Variants in ABCG2 observed in about 807,000 individuals in gnomAD.
ABCG2 encodes ATP binding cassette subfamily G member 2 (JR blood group), also known as broad substrate specificity ATP-binding cassette transporter ABCG2.
In ABCG2, 80 loss-of-function variants were observed where a neutral mutation model predicts 73.5. The ratio of observed to expected loss-of-function variants is 1.09; its 90% CI spans 0.91 to 1.31. The LOEUF (loss-of-function observed/expected upper bound fraction) is 1.31. Ranked by LOEUF, ABCG2 falls within the 50% of genes most tolerant of loss-of-function variation. The probability of loss-of-function intolerance (pLI) is 0.00; values close to 1 mark genes in which losing one functional copy is unlikely to be tolerated. For synonymous variants in ABCG2, 269 were observed against 282.4 expected (o/e 0.95, Z 0.48); for missense variants, 796 against 786.2 (o/e 1.01, Z -0.15).
At chr4:88,153,106 G>A (rs1043497205) in intron 1 of ABCG2, among the ~76,000 whole-genome samples, 10 of 152,178 alleles carry the variant, frequency 6.6e-5, no homozygotes, top group African/African-American at 2.2e-4. Flanking sequence ...GTTCAGCATA[G>A]CCCTGCCAGC....
upstream of ABCG2, chr4:88,159,269 G>A (rs1727177356): frequency 2.2e-6 from 1 of 454,808 alleles, no homozygotes; most frequent in African/African-American, 2.0e-5. Context: ...CGGGGACGCT[G>A]ACGCACAGGT....
In ABCG2 at chr4:88,111,523, T is replaced by C. The variant is rs1438328600; in HGVS notation, c.1194+1780A>G. ...ATACATATATGTGGCTATACATATA[T>C]ACATATATATACATAATTAGCAGTA... On this transcript the variant is annotated intron_variant, in intron 9 of 15. Transcript: ENST00000237612. Among the ~76,000 whole-genome samples, 3 of 151,964 alleles carry C rather than the reference T, an allele frequency of 2.0e-5. No individual in the cohort carries two copies. In the East Asian group the frequency reaches 5.9e-4, roughly 30 times the overall value.
chr4:88,147,016 G>GGAAA (rs58050208), intron 1 of ABCG2, among the ~76,000 whole-genome samples: 9,476 of 125,188 alleles, frequency 0.076, 435 homozygotes, highest in East Asian at 0.12. Context: ...AGAAAGAAAA[G>GGAAA]GAAAGAAAGA....
upstream of ABCG2, among the ~76,000 whole-genome samples, chr4:88,160,513 A>C (rs1404240460): frequency 6.6e-6 from 1 of 152,090 alleles, no homozygotes; most frequent in Non-Finnish European, 1.5e-5. Flanking sequence ...ACTTAGTTGA[A>C]TATAGCATTC....
Position 88,092,155 on chromosome 4 carries a change from CA to C in ABCG2, c.*78del. 5 of 1,368,172 alleles carry C rather than the reference CA, an allele frequency of 3.7e-6. No individual in the cohort carries two copies. Among genetic ancestry groups the C allele is most frequent in the Non-Finnish European group, 5.0e-6 (5 of 1,005,990 alleles). The allele number at this position is 1,368,172 out of a possible 1,614,324, so 84.8% of individuals were successfully genotyped here. ...GTGATGGCAAGGGAACAGAAAACAA[CA>C]AAAAAACTTGATTGAATACTTCAAT... On this transcript the variant is annotated 3_prime_UTR_variant, in exon 16 of 16. Transcript: ENST00000237612.
At position 88,092,162 on chromosome 4, in the gene ABCG2, A is replaced by C. The variant is rs566792922; in HGVS notation, c.*72T>G. On this transcript the variant is annotated 3_prime_UTR_variant, in exon 16 of 16. Transcript: ENST00000237612. ...CAAGGGAACAGAAAACAACAAAAAA[A>C]CTTGATTGAATACTTCAATCAAAGT... is the stretch of plus-strand genomic sequence containing the variant. 2.1e-6 allele frequency: 3 copies of C among 1,398,340 alleles called. No homozygotes were observed. Among genetic ancestry groups the C allele is most frequent in the Non-Finnish European group, 2.9e-6 (3 of 1,028,116 alleles). 86.6% of individuals were successfully genotyped at this position (1,398,340 alleles called of 1,614,324 possible). A position where few individuals can be genotyped will look rare whatever the true frequency, so the allele number is the denominator to read the frequency against.
chr4:88,146,558 C>T (rs1001232462), intron 1 of ABCG2, among the ~76,000 whole-genome samples: 3 of 151,924 alleles, frequency 2.0e-5, no homozygotes, highest in Non-Finnish European at 2.9e-5. Context: ...CCACACTTGG[C>T]GATTTTTGTA....
At chr4:88,109,147 C>A (rs989397827) in intron 9 of ABCG2, among the ~76,000 whole-genome samples, 1 of 151,928 alleles carries the variant, frequency 6.6e-6, no homozygotes, top group African/African-American at 2.4e-5. Context: ...TACATGCGCC[C>A]ACCACCAAGC....
chr4:88,153,240 G>A (rs1384764573), intron 1 of ABCG2, among the ~76,000 whole-genome samples: 6 of 151,772 alleles, frequency 4.0e-5, no homozygotes, highest in Non-Finnish European at 8.8e-5. Context: ...GGGCATGTAT[G>A]AGTAGTTGAG....
In ABCG2 at chr4:88,166,099, T is replaced by G. The variant is rs530360547; in HGVS notation, c.-19-26085A>C. ...CACTGAGTTGGTATGAAGAGTATTT[T>G]AAACTGAAACATTTAAGACACAGCA... On this transcript the variant is annotated intron_variant, in intron 1 of 15. Transcript: ENST00000515655. 3.3e-5 allele frequency among the ~76,000 whole-genome samples: 5 copies of G among 152,236 alleles called. No individual in the cohort carries two copies. In the South Asian group the frequency reaches 1.0e-3, roughly 32 times the overall value.
In ABCG2 at chr4:88,095,581, G is replaced by T; in HGVS notation, c.1676C>A (p.Thr559Lys). 5 of 1,613,788 alleles carry T rather than the reference G, an allele frequency of 3.1e-6. No homozygotes were observed. The highest frequency in any genetic ancestry group is 4.2e-6 in the Non-Finnish European group (5 of 1,179,714). ...CCATGACAGCCAAGATGCAATGGTT[G>T]TGAGATTGACCAACAGACCTGAAAA... ...MIFSGLLVNL[T>K]TIASWLSWLQ... Residue 559 changes from threonine (T) to lysine (K), a missense_variant, in exon 14 of 16, where the codon ACA becomes AAA. By Grantham distance (78) the Thr-to-Lys change is moderately conservative. Coordinates refer to ENST00000237612, the MANE Select transcript of ABCG2 (RefSeq NM_004827.3).
chr4:88,213,170 T>A (rs1308469559), intron 1 of ABCG2, among the ~76,000 whole-genome samples: 1 of 152,206 alleles, frequency 6.6e-6, no homozygotes, highest in Non-Finnish European at 1.5e-5. Flanking sequence ...TTTCAAACTG[T>A]TGGGATTACT....
chr4:88,200,748 G>C (rs999833812), intron 1 of ABCG2, among the ~76,000 whole-genome samples: 1 of 152,004 alleles, frequency 6.6e-6, no homozygotes, highest in Non-Finnish European at 1.5e-5. Flanking sequence ...TCCTGACCTG[G>C]TGATCCACCT....
chr4:88,152,096 C>T (rs1172530432), intron 1 of ABCG2, among the ~76,000 whole-genome samples: 2 of 152,096 alleles, frequency 1.3e-5, no homozygotes, highest in East Asian at 3.9e-4. Flanking sequence ...GTTTAAGCTA[C>T]TCAGCTAATA....
intron 9 of ABCG2, among the ~76,000 whole-genome samples, chr4:88,109,143 C>T (rs111360885): frequency 1.8e-4 from 28 of 151,956 alleles, no homozygotes; most frequent in African/African-American, 5.3e-4. Context: ...GGATTACATG[C>T]GCCCACCACC....
intron 1 of ABCG2, 71 bp from the exon 2 acceptor site, chr4:88,140,085 A>T (rs531970560): frequency 7.8e-7 from 1 of 1,281,960 alleles, no homozygotes; most frequent in African/African-American, 1.5e-5. Flanking sequence ...GTGACAATAC[A>T]TTTAAAACAA....
At chr4:88,117,418 T>TCAGGAGATCAAGACC (rs1723655043) in intron 7 of ABCG2, among the ~76,000 whole-genome samples, 1 of 151,648 alleles carries the variant, frequency 6.6e-6, no homozygotes, top group Non-Finnish European at 1.5e-5. Flanking sequence ...GATCACAAGG[T>TCAGGAGATCAAGACC]CAGGAGATCA....
intron 1 of ABCG2, among the ~76,000 whole-genome samples, chr4:88,142,148 G>C (rs1462847498): frequency 6.6e-6 from 1 of 151,780 alleles, no homozygotes; most frequent in Admixed American, 6.6e-5. Flanking sequence ...CAAACATATG[G>C]GATAAGATGA....
chr4:88,216,000 G>A (rs1240783942), intron 1 of ABCG2, among the ~76,000 whole-genome samples: 1 of 152,166 alleles, frequency 6.6e-6, no homozygotes, highest in Non-Finnish European at 1.5e-5. Flanking sequence ...TTTGGGCAGG[G>A]TATTTCTTTG....
Sources: gnomAD v4.1 joint callset for allele counts (sites outside exome capture counted in the v4.1 genomes callset) on GRCh38, gnomAD v4.1.1 for gene constraint, MANE v1.5 for transcripts, NCBI Gene and HGNC (gene_info 2026-07-23, HGNC 2026-07-21) for gene names.